The following N4BP2 variants were observed in gnomAD, a reference collection of about 807,000 sequenced individuals.
N4BP2 encodes the protein NEDD4 binding protein 2, also known as NEDD4-binding protein 2.
N4BP2 carries 91 observed loss-of-function variants against 152.8 expected under a neutral mutation model. That is an observed-to-expected ratio of 0.60 (90% CI 0.50 to 0.71). The LOEUF is 0.71. Ranked by LOEUF, N4BP2 falls within the 30% of genes least tolerant of loss-of-function variation. The pLI is 0.00. For missense variants in N4BP2, 1,923 were observed against 2,059.1 expected (o/e 0.93, Z 1.28); for synonymous variants, 646 against 705.3 (o/e 0.92, Z 1.33).
At chr4:40,060,493 C>T (rs529870898) in intron 1 of N4BP2, among the ~76,000 whole-genome samples, 11 of 152,126 alleles carry the variant, frequency 7.2e-5, no homozygotes, top group Non-Finnish European at 1.2e-4. Context: ...GATCCACCCA[C>T]CTTGCCCTCC....
At chr4:40,113,356 C>A (rs1579056665) in intron 6 of N4BP2, 76 bp from the exon 7 acceptor site, 1 of 1,068,576 alleles carries the variant, frequency 9.4e-7, no homozygotes, top group Non-Finnish European at 1.4e-6. Flanking sequence ...GTTTTACATG[C>A]TATATATTTG....
rs1279848178 is a variant in N4BP2 at position 40,117,937 on chromosome 4, C to G, written c.1733C>G (p.Ser578Ter). 6.2e-7 allele frequency: 1 copy of G among 1,612,694 alleles called. No homozygotes were observed. The highest frequency in any genetic ancestry group is 8.5e-7 in the Non-Finnish European group (1 of 1,179,292). Residue 578 changes from serine to a stop codon, truncating the protein, a stop_gained, in exon 8 of 18, where the codon TCA becomes TGA. Coordinates refer to ENST00000261435, the MANE Select transcript of N4BP2 (RefSeq NM_018177.6). LOFTEE classifies it high-confidence loss of function. ...TTGGAACATTATCAACGTTTTGTTT[C>G]AGTGCCAATAATTATGAGTTCTTCG... ...RMLEHYQRFV[S>*]VPIIMSSSVP... is the part of the protein sequence containing the mutation.
chr4:40,166,173 TTAG>T, the N4BP2 span, among the ~76,000 whole-genome samples: 2 of 152,156 alleles, frequency 1.3e-5, no homozygotes, highest in Non-Finnish European at 2.9e-5. Context: ...TTTTTCTTTG[TTAG>T]TAGGCAGGAG....
At chr4:40,063,889 C>T (rs1244197240) in intron 1 of N4BP2, among the ~76,000 whole-genome samples, 1 of 152,098 alleles carries the variant, frequency 6.6e-6, no homozygotes, top group Non-Finnish European at 1.5e-5. Flanking sequence ...AGATGATCCT[C>T]CTGCATCAGC....
In N4BP2 at chr4:40,081,464, G is replaced by A. The variant is rs1256622285; in HGVS notation, c.-115+7913G>A. 2.6e-5 allele frequency among the ~76,000 whole-genome samples: 4 copies of A among 151,988 alleles called. No homozygotes were observed. In the East Asian group the frequency reaches 7.7e-4, roughly 29 times the overall value. On this transcript the variant is annotated intron_variant, in intron 2 of 17. Coordinates refer to ENST00000261435, the MANE Select transcript of N4BP2 (RefSeq NM_018177.6). ...AGTTCAAGACCAATCTGACCAACAT[G>A]GTAAAACCCTGTCTCTACTAAATAT...
At chr4:40,105,441 C>T (rs561296433) in intron 4 of N4BP2, among the ~76,000 whole-genome samples, 1 of 151,628 alleles carries the variant, frequency 6.6e-6, no homozygotes, top group South Asian at 2.1e-4. Context: ...TCTCCAGCCT[C>T]GGTCTCCTGA....
intron 4 of N4BP2, among the ~76,000 whole-genome samples, chr4:40,106,540 T>C (rs766442080): frequency 1.2e-4 from 19 of 152,126 alleles, no homozygotes; most frequent in Non-Finnish European, 2.4e-4. Flanking sequence ...TGATTTTTAC[T>C]CTTTTATTTT....
chr4:40,118,039 C>A lies in N4BP2; in HGVS notation c.1820+15C>A. 1 of 1,507,880 alleles carries A rather than the reference C, an allele frequency of 6.6e-7. No individual in the cohort carries two copies. Among genetic ancestry groups the A allele is most frequent in the Non-Finnish European group, 8.9e-7 (1 of 1,124,588 alleles). 93.4% of individuals were successfully genotyped at this position (1,507,880 alleles called of 1,614,324 possible). ...AGAAGCACTAGGTAGGTTAAAATGC[C>A]TTATGTACAAAATTCAATTTGAAAT... On this transcript the variant is annotated intron_variant, in intron 8 of 17. Transcript: ENST00000261435.
At chr4:40,137,168 A>G (rs750002270) in intron 14 of N4BP2, 86 bp downstream of exon 14, 15 of 1,075,302 alleles carry the variant, frequency 1.4e-5, no homozygotes, top group Non-Finnish European at 1.9e-5. Context: ...TAATTTAATG[A>G]TTATTTCTCA....
intron 5 of N4BP2, among the ~76,000 whole-genome samples, chr4:40,111,841 C>T (rs1045593392): frequency 6.6e-6 from 1 of 152,102 alleles, no homozygotes; most frequent in African/African-American, 2.4e-5. Context: ...GTCTTGAACT[C>T]CTGGCCTCAA....
intron 2 of N4BP2, among the ~76,000 whole-genome samples, chr4:40,079,125 C>T (rs1706027): frequency 0.87 from 131,877 of 151,772 alleles, 57,332 homozygotes; most frequent in East Asian, 0.97. Context: ...TTTTACCGTG[C>T]TGGCCAGGCT....
At chr4:40,169,394 C>T in the N4BP2 span, among the ~76,000 whole-genome samples, 2 of 146,724 alleles carry the variant, frequency 1.4e-5, no homozygotes, top group African/African-American at 5.0e-5. Context: ...AAAAAAAAAA[C>T]CTTAAAAATA....
chr4:40,076,784 G>C (rs1413036672), intron 2 of N4BP2, among the ~76,000 whole-genome samples: 1 of 152,102 alleles, frequency 6.6e-6, no homozygotes, highest in Non-Finnish European at 1.5e-5. Flanking sequence ...CACCACACCC[G>C]GCCCAAAAAT....
chr4:40,120,130 A>G lies in N4BP2; in HGVS notation c.2019A>G (p.Gln673=). Reference sequence around the variant, plus strand: ...TAAGTGATATGAATCCTAGCATTCAAAGTGCTTTAATTCTGGAAACTCCAC... The same window carrying G: ...TAAGTGATATGAATCCTAGCATTCAGAGTGCTTTAATTCTGGAAACTCCAC... ...KEISDMNPSI[Q]SALILETPHM... Residue 673 remains glutamine, a synonymous_variant, in exon 9 of 18, where the codon CAA becomes CAG. Transcript: ENST00000261435. 2 of 1,612,448 alleles carry G rather than the reference A, an allele frequency of 1.2e-6. No individual in the cohort carries two copies. Among genetic ancestry groups the G allele is most frequent in the Non-Finnish European group, 1.7e-6 (2 of 1,179,480 alleles).
rs538898188 is a variant in N4BP2 at position 40,077,733 on chromosome 4, C to T, written c.-115+4182C>T. On this transcript the variant is annotated intron_variant, in intron 2 of 17. Coordinates refer to ENST00000261435, the MANE Select transcript of N4BP2 (RefSeq NM_018177.6). ...CCTCCCAAAGTGCTAGGATTATAGG[C>T]GTGAGCCACCGCACTCAGCCAGAAT... Among the ~76,000 whole-genome samples the T allele has an allele frequency of 2.1e-4, 32 of 152,234 alleles. 1 individual carries two copies. The South Asian group carries it at 3.5e-3, about 17-fold the overall frequency.
chr4:40,119,876 T>C (rs1373212786), intron 8 of N4BP2, 56 bp from the exon 9 acceptor site: 3 of 783,218 alleles, frequency 3.8e-6, no homozygotes, highest in Non-Finnish European at 6.2e-6. Context: ...TAAATCATAG[T>C]ATTGATGGCA....
intron 6 of N4BP2, 117 bp downstream of exon 6, chr4:40,112,289 A>C: frequency 3.1e-6 from 2 of 636,916 alleles, no homozygotes; most frequent in Non-Finnish European, 5.5e-6. Context: ...ATAGTCTGTA[A>C]ATGAGCTTTC....
At chr4:40,189,670 C>T in the N4BP2 span, among the ~76,000 whole-genome samples, 2 of 152,084 alleles carry the variant, frequency 1.3e-5, no homozygotes, top group African/African-American at 4.8e-5. The surrounding 1 kb of genome is among the most constrained non-coding windows in gnomAD (Gnocchi z 4.3). Context: ...GGGCAGATCA[C>T]CTAAGGTCAG....
intron 2 of N4BP2, among the ~76,000 whole-genome samples, chr4:40,095,064 C>T (rs1336570776): frequency 6.6e-6 from 1 of 151,438 alleles, no homozygotes; most frequent in Non-Finnish European, 1.5e-5. Flanking sequence ...TCGCGAGCCC[C>T]TGAGTCTGGC....
Sources: gnomAD v4.1 joint callset for allele counts (sites outside exome capture counted in the v4.1 genomes callset) on GRCh38, gnomAD v4.1.1 for gene constraint, Gnocchi (gnomAD v3.1) non-coding constraint, MANE v1.5 for transcripts, NCBI Gene and HGNC (gene_info 2026-07-23, HGNC 2026-07-21) for gene names.